The following FMN1 variants were observed in gnomAD, a reference collection of about 807,000 sequenced individuals.
The protein encoded by FMN1 is formin 1.
A neutral mutation model predicts 132.4 loss-of-function variants in FMN1; 110 were observed. That is an observed-to-expected ratio of 0.83 (90% CI 0.71 to 0.97). FMN1 has a LOEUF of 0.97. Ranked by LOEUF, FMN1 falls within the 50% of genes least tolerant of loss-of-function variation. FMN1 has a pLI of 0.00. For synonymous variants in FMN1, 722 were observed against 651.7 expected, an observed-to-expected ratio of 1.11 and a Z score of -1.64; for missense variants, 1,792 against 1,705.3, an observed-to-expected ratio of 1.05 and a Z score of -0.90.
chr15:33,032,555 G>A (rs2035986491), intron 6 of FMN1, among the ~76,000 whole-genome samples: 1 of 152,158 alleles, frequency 6.6e-6, no homozygotes, highest in African/African-American at 2.4e-5. Context: ...CTGATAAACT[G>A]ATTGTAAAGT....
chr15:32,878,453 T>A (rs1241159224), intron 16 of FMN1, among the ~76,000 whole-genome samples: 1 of 151,854 alleles, frequency 6.6e-6, no homozygotes, highest in East Asian at 1.9e-4. Context: ...GGTGAGAAGG[T>A]GGTAGCTTGG....
intron 19 of FMN1, among the ~76,000 whole-genome samples, chr15:32,785,352 C>T (rs1327598134): frequency 1.3e-5 from 2 of 149,884 alleles, no homozygotes; most frequent in Non-Finnish European, 3.0e-5. Flanking sequence ...CCATCAAGCC[C>T]AGACAAAGGC....
chr15:32,833,926 C>CCTTA (rs1828697913), intron 17 of FMN1, among the ~76,000 whole-genome samples: 1 of 152,296 alleles, frequency 6.6e-6, no homozygotes, highest in Middle Eastern at 3.4e-3. Flanking sequence ...TAAGCCCAGA[C>CCTTA]CTTACACTAA....
intron 7 of FMN1, among the ~76,000 whole-genome samples, chr15:32,988,060 T>TTTTC (rs1555374088): frequency 1.3e-5 from 2 of 150,508 alleles, no homozygotes; most frequent in African/African-American, 4.9e-5. Context: ...TTTTTTTTTT[T>TTTTC]TTTTTTTTTT....
intron 14 of FMN1, among the ~76,000 whole-genome samples, chr15:32,899,434 C>T (rs1596222124): frequency 6.6e-6 from 1 of 152,178 alleles, no homozygotes; most frequent in African/African-American, 2.4e-5. Flanking sequence ...TGTTTCCCCT[C>T]CCTGCACCCC....
chr15:32,901,785 T>G, intron 13 of FMN1, 126 bp downstream of exon 13: 1 of 681,888 alleles, frequency 1.5e-6, no homozygotes, highest in Non-Finnish European at 2.2e-6. Flanking sequence ...ATCATCAAAT[T>G]TACACTTAGA....
intron 6 of FMN1, among the ~76,000 whole-genome samples, chr15:33,033,727 C>A (rs1035482237): frequency 2.0e-5 from 3 of 151,750 alleles, no homozygotes; most frequent in Non-Finnish European, 4.4e-5. Context: ...ATACTGTCTC[C>A]AATTATCATT....
chr15:33,005,101 A>G (rs552098884), intron 7 of FMN1, among the ~76,000 whole-genome samples: 116 of 152,260 alleles, frequency 7.6e-4, no homozygotes, highest in Admixed American at 2.8e-3. Flanking sequence ...ATGATGAGTT[A>G]ATGAGTGCAG....
At chr15:32,976,231 C>T (rs1448625659) in intron 7 of FMN1, among the ~76,000 whole-genome samples, 1 of 152,080 alleles carries the variant, frequency 6.6e-6, no homozygotes, top group East Asian at 1.9e-4. Context: ...TTCCTGGGGG[C>T]TGCATGGAGG....
chr15:33,125,976 T>C (rs1451102371), intron 4 of FMN1, among the ~76,000 whole-genome samples: 2 of 151,534 alleles, frequency 1.3e-5, no homozygotes, highest in African/African-American at 4.9e-5. Flanking sequence ...AGTAAGTCAC[T>C]AAGTTAGGAA....
intron 4 of FMN1, among the ~76,000 whole-genome samples, chr15:33,089,261 G>A (rs1027870314): frequency 3.3e-5 from 5 of 152,188 alleles, no homozygotes; most frequent in African/African-American, 1.2e-4. Flanking sequence ...ATCTCAGCAT[G>A]AAATCAGAGG....
At position 33,096,016 on chromosome 15, in the gene FMN1, A is replaced by C. The variant is rs918577179; in HGVS notation, c.1868-7042T>G. 2.8e-4 allele frequency among the ~76,000 whole-genome samples: 42 copies of C among 151,936 alleles called. 1 individual carries two copies. Among genetic ancestry groups the C allele is most frequent in the Admixed American group, 1.2e-3 (19 of 15,270 alleles). On this transcript the variant is annotated intron_variant, in intron 4 of 20. Transcript: ENST00000616417. The stretch of plus-strand genomic sequence containing the variant: ...GGTAAATACCAAAAAAAAAAAAAGA[A>C]GGCACATTTACTATTAAATGTGATT...
intron 4 of FMN1, among the ~76,000 whole-genome samples, chr15:33,125,419 A>C: frequency 6.7e-6 from 1 of 148,814 alleles, no homozygotes; most frequent in East Asian, 2.1e-4. Flanking sequence ...TAGATGTACC[A>C]GTGCACTAAG....
chr15:32,830,962 C>A (rs1306100683), intron 17 of FMN1, among the ~76,000 whole-genome samples: 1 of 152,124 alleles, frequency 6.6e-6, no homozygotes, highest in Non-Finnish European at 1.5e-5. Flanking sequence ...AAACACCCCC[C>A]ACCACTATAA....
chr15:33,062,874 T>G (rs2037549855), intron 6 of FMN1: 1 of 152,180 alleles, frequency 6.6e-6, no homozygotes, highest in South Asian at 2.1e-4. Context: ...CACATTAAAA[T>G]GAAGTAGTTT....
In FMN1 at chr15:32,765,850, C is replaced by A. The variant is rs2056028989; in HGVS notation, c.*8460G>T. The A allele has an allele frequency of 6.6e-6, 1 of 152,016 alleles. No homozygotes were observed. 9.4% of individuals were successfully genotyped at this position (152,016 alleles called of 1,614,324 possible). On this transcript the variant is annotated 3_prime_UTR_variant, in exon 21 of 21. Coordinates refer to ENST00000616417, the MANE Select transcript of FMN1 (RefSeq NM_001277313.2). ...TATTATGTACAAATCAGTGTTGGTT[C>A]CTTCACTCTCTTTTTAAAAATAAAT...
chr15:33,128,221 G>A (rs1032404863), intron 4 of FMN1, among the ~76,000 whole-genome samples: 2 of 151,966 alleles, frequency 1.3e-5, no homozygotes, highest in Non-Finnish European at 2.9e-5. Context: ...GCAGACTTAC[G>A]AGCAACCAAA....
chr15:32,994,381 T>G (rs2033643496), intron 7 of FMN1, among the ~76,000 whole-genome samples: 1 of 152,248 alleles, frequency 6.6e-6, no homozygotes, highest in Admixed American at 6.5e-5. Flanking sequence ...TTCCTGTGCT[T>G]TGGCCACACA....
At position 33,167,507 on chromosome 15, in the gene FMN1, G is replaced by T. The variant is rs184155647; in HGVS notation, c.-131-12462C>A. Among the ~76,000 whole-genome samples the T allele has an allele frequency of 2.0e-5, 3 of 152,238 alleles. No individual in the cohort carries two copies. The East Asian group carries it at 5.8e-4, about 29-fold the overall frequency. On this transcript the variant is annotated intron_variant, in intron 3 of 20. Coordinates refer to ENST00000616417, the MANE Select transcript of FMN1 (RefSeq NM_001277313.2). ...TTCATGAGGTCTTAACCAGTGCTAG[G>T]CCTTTGGCTAAATGTACACCATGCC...
Sources: allele counts gnomAD v4.1 joint callset (sites outside exome capture counted in the v4.1 genomes callset), GRCh38; gene constraint gnomAD v4.1.1; transcripts MANE v1.5; gene names NCBI Gene and HGNC (gene_info 2026-07-23, HGNC 2026-07-21).